TBC1D5: variants seen among roughly 807,000 people sequenced by gnomAD.
TBC1D5 encodes TBC1 domain family member 5, also known as TBC1 domain family, member 5.
TBC1D5 carries 75 observed loss-of-function variants against 100.3 expected under a neutral mutation model. The observed-to-expected ratio is 0.75, with a 90% confidence interval of 0.62 to 0.91. The LOEUF is 0.91. Among genes scored for constraint, TBC1D5 ranks in the 40% least tolerant of loss-of-function variants. The probability of loss-of-function intolerance (pLI) is 0.00; values close to 1 mark genes in which losing one functional copy is unlikely to be tolerated. For synonymous variants in TBC1D5, 323 were observed against 325.6 expected (o/e 0.99, Z 0.09); for missense variants, 910 against 942.4 (o/e 0.97, Z 0.45).
intron 13 of TBC1D5, among the ~76,000 whole-genome samples, chr3:17,321,910 A>G (rs1559628861): frequency 6.6e-6 from 1 of 152,240 alleles, no homozygotes; most frequent in Non-Finnish European, 1.5e-5. Context: ...ATATATACCA[A>G]TTATATCTAA....
intron 1 of TBC1D5, among the ~76,000 whole-genome samples, chr3:17,670,996 A>T (rs1417424921): frequency 6.6e-6 from 1 of 152,232 alleles, no homozygotes; most frequent in Non-Finnish European, 1.5e-5. Flanking sequence ...GACAACCAGC[A>T]CTACCACAAA....
chr3:17,679,562 AT>A (rs2069163823), intron 1 of TBC1D5, among the ~76,000 whole-genome samples: 1 of 151,550 alleles, frequency 6.6e-6, no homozygotes, highest in Non-Finnish European at 1.5e-5. Flanking sequence ...TGTATTTGCA[AT>A]TGTTTAGCTC....
At chr3:17,215,415 CAAG>C (rs2073518054) in intron 17 of TBC1D5, among the ~76,000 whole-genome samples, 1 of 151,966 alleles carries the variant, frequency 6.6e-6, no homozygotes, top group African/African-American at 2.4e-5. Context: ...TTGGCCTAAG[CAAG>C]AAGAATGATG....
chr3:17,526,934 G>A (rs1211777389), intron 2 of TBC1D5, among the ~76,000 whole-genome samples: 2 of 152,166 alleles, frequency 1.3e-5, no homozygotes, highest in Non-Finnish European at 2.9e-5. Context: ...AAAGAAGGTA[G>A]TAAGCAGAAA....
intron 2 of TBC1D5, among the ~76,000 whole-genome samples, chr3:17,509,127 G>A (rs928291352): frequency 6.6e-6 from 1 of 151,460 alleles, no homozygotes; most frequent in African/African-American, 2.4e-5. Context: ...TACTGATTAT[G>A]TAATCTATGA....
intron 13 of TBC1D5, among the ~76,000 whole-genome samples, chr3:17,349,949 T>C (rs1158326617): frequency 6.6e-6 from 1 of 152,216 alleles, no homozygotes; most frequent in Admixed American, 6.5e-5. Context: ...TCATTTTAGA[T>C]ATGTAAAGAG....
intron 15 of TBC1D5, among the ~76,000 whole-genome samples, chr3:17,264,138 C>A (rs1559513318): frequency 6.6e-6 from 1 of 152,112 alleles, no homozygotes; most frequent in East Asian, 1.9e-4. Context: ...TATTTTAAGT[C>A]CAAACTCATT....
rs541073340 is a variant in TBC1D5 at position 17,728,285 on chromosome 3, A to G, written c.-101+11058T>C. 1.3e-4 allele frequency among the ~76,000 whole-genome samples: 20 copies of G among 152,336 alleles called. 1 individual carries two copies. In the South Asian group the frequency reaches 3.3e-3, roughly 25 times the overall value. On this transcript the variant is annotated intron_variant, in intron 1 of 21. Coordinates refer to ENST00000253692, the Ensembl canonical transcript of TBC1D5. ...TGAAAGTGGTAGCCAAAGGAATTAG[A>G]TAAGCCAACAAAATAAAAAGGCGTA...
intron 3 of TBC1D5, among the ~76,000 whole-genome samples, chr3:17,496,038 T>A (rs1320118761): frequency 1.3e-5 from 2 of 152,212 alleles, no homozygotes; most frequent in African/African-American, 4.8e-5. Context: ...CAAACTTTGC[T>A]TTCTGACTTT....
At chr3:17,512,240 T>C (rs956263282) in intron 2 of TBC1D5, among the ~76,000 whole-genome samples, 1 of 152,096 alleles carries the variant, frequency 6.6e-6, no homozygotes, top group Admixed American at 6.5e-5. Context: ...TTTAATAAAT[T>C]TGTCTATTTT....
chr3:17,202,137 A>G (rs1276215185), intron 18 of TBC1D5, among the ~76,000 whole-genome samples: 1 of 152,248 alleles, frequency 6.6e-6, no homozygotes, highest in African/African-American at 2.4e-5. Flanking sequence ...AGTCTCAGAT[A>G]AAGATGAGAA....
intron 2 of TBC1D5, among the ~76,000 whole-genome samples, chr3:17,528,887 C>T (rs891359969): frequency 6.6e-5 from 10 of 152,204 alleles, no homozygotes; most frequent in Non-Finnish European, 1.2e-4. Context: ...TTCACTTCAT[C>T]AGTCTATATG....
chr3:17,561,976 A>T (rs895305425), intron 2 of TBC1D5: 3 of 151,948 alleles, frequency 2.0e-5, no homozygotes, highest in Non-Finnish European at 4.4e-5. Flanking sequence ...ACCTTTGATT[A>T]AAAAAAACTT....
In TBC1D5 at chr3:17,345,266, AACAG is replaced by A. The variant is rs372785942; in HGVS notation, c.995+26805_995+26808del. Among the ~76,000 whole-genome samples, 125 of 152,372 alleles carry A rather than the reference AACAG, an allele frequency of 8.2e-4. 2 individuals carry two copies. The East Asian group carries it at 0.012, about 15-fold the overall frequency. ...CATCAATAAGTGGGCAAAGGATATG[AACAG>A]ACACTTTCCAAAAGAAGACATTTAT... On this transcript the variant is annotated intron_variant, in intron 13 of 21. Transcript: ENST00000253692.
In TBC1D5 at chr3:17,726,839, A is replaced by G. The variant is rs541415505; in HGVS notation, c.-101+12504T>C. On this transcript the variant is annotated intron_variant, in intron 1 of 21. Transcript: ENST00000253692. ...CTATTTCAAAAGGTTTCATATTTTT[A>G]TATCTTAATCACTAAAAGTTTCATT... is the stretch of plus-strand genomic sequence containing the variant. Among the ~76,000 whole-genome samples, 15 of 152,310 alleles carry G rather than the reference A, an allele frequency of 9.8e-5. No homozygotes were observed. The South Asian group carries it at 1.0e-3, about 11-fold the overall frequency.
At chr3:17,715,114 A>G (rs2075110878) in intron 1 of TBC1D5, among the ~76,000 whole-genome samples, 1 of 152,254 alleles carries the variant, frequency 6.6e-6, no homozygotes, top group African/African-American at 2.4e-5. Flanking sequence ...CAGGATGAGT[A>G]TTTTAAAAGA....
At chr3:17,253,961 C>T (rs1015186203) in intron 16 of TBC1D5, among the ~76,000 whole-genome samples, 5 of 152,068 alleles carry the variant, frequency 3.3e-5, no homozygotes, top group Non-Finnish European at 7.4e-5. Context: ...ATGAGAGAGC[C>T]GACTATGGGA....
chr3:17,679,304 G>A (rs1417792564), intron 1 of TBC1D5, among the ~76,000 whole-genome samples: 1 of 151,302 alleles, frequency 6.6e-6, no homozygotes, highest in African/African-American at 2.5e-5. Flanking sequence ...AATACAAGAA[G>A]TTACAGAGAT....
chr3:17,240,274 T>C (rs2076199912), intron 16 of TBC1D5, among the ~76,000 whole-genome samples: 1 of 152,112 alleles, frequency 6.6e-6, no homozygotes, highest in Non-Finnish European at 1.5e-5. Context: ...AAATATGAAA[T>C]TCAGCTTTAT....
Sources: gnomAD v4.1 joint callset for allele counts (sites outside exome capture counted in the v4.1 genomes callset) on GRCh38, gnomAD v4.1.1 for gene constraint, MANE v1.5 for transcripts, NCBI Gene and HGNC (gene_info 2026-07-23, HGNC 2026-07-21) for gene names.